TEX2: variants seen among roughly 807,000 people sequenced by gnomAD.
TEX2 encodes testis expressed 2.
A neutral mutation model predicts 106.9 loss-of-function variants in TEX2; 53 were observed. The ratio of observed to expected loss-of-function variants is 0.50; its 90% CI spans 0.40 to 0.62. The LOEUF (loss-of-function observed/expected upper bound fraction) is 0.62. Among genes scored for constraint, TEX2 ranks in the 20% least tolerant of loss-of-function variants. The pLI is 0.00. For synonymous variants in TEX2, 523 were observed against 534.8 expected, an observed-to-expected ratio of 0.98 and a Z score of 0.30; for missense variants, 1,207 against 1,379.0, an observed-to-expected ratio of 0.88 and a Z score of 1.98.
Position 64,213,378 on chromosome 17 carries a change from C to A in TEX2, c.840G>T (p.Val280=). Residue 280 remains valine, a synonymous_variant, in exon 2 of 12, where the codon GTG becomes GTT. Transcript: ENST00000584379. The surrounding 1 kb of genome is among the most constrained non-coding windows in gnomAD (Gnocchi z 4.4). ...SPSDTRSFFK[V]PEMEAKIEDT... is the part of the protein sequence containing the mutation. ...CTTCAATTTTAGCCTCCATTTCGGG[C>A]ACTTTAAAAAAGGAACGAGTATCAG... 1 of 1,613,924 alleles carries A rather than the reference C, an allele frequency of 6.2e-7. No homozygotes were observed. The highest frequency in any genetic ancestry group is 8.5e-7 in the Non-Finnish European group (1 of 1,180,028).
chr17:64,244,718 G>C (rs782328082), intron 1 of TEX2, among the ~76,000 whole-genome samples: 3 of 152,100 alleles, frequency 2.0e-5, no homozygotes, highest in Non-Finnish European at 4.4e-5. Context: ...CATCCTGTAA[G>C]AATAACACGT....
chr17:64,171,101 T>C lies in TEX2; in HGVS notation c.2670A>G (p.Gln890=), dbSNP rs112030007. The C allele has an allele frequency of 4.3e-6, 7 of 1,613,376 alleles. No homozygotes were observed. The Admixed American group carries it at 5.0e-5, about 12-fold the overall frequency. ...ATAGAATGGTCAGTTAGGAGTTACC[T>C]TGGTGATCAACGTAAGGCTTGAAGG... ...LQAFKPYVDH[Q]GLWIDLEMSY... The change falls in exon 7 of 12, where the codon CAA becomes CAG. Residue 890 remains glutamine (Q), a splice_region_variant and synonymous_variant. Coordinates refer to ENST00000584379, the MANE Select transcript of TEX2 (RefSeq NM_001288732.2).
chr17:64,257,874 A>G (rs1170331700), intron 1 of TEX2, among the ~76,000 whole-genome samples: 2 of 152,124 alleles, frequency 1.3e-5, no homozygotes, highest in African/African-American at 2.4e-5. Context: ...TGAATCTTCT[A>G]TCTCCGAAAA....
intron 11 of TEX2, 79 bp downstream of exon 11, chr17:64,150,762 C>A: frequency 4.1e-6 from 6 of 1,480,442 alleles, no homozygotes; most frequent in Non-Finnish European, 5.4e-6. Context: ...GGATCCTGAC[C>A]CAGCTGAAGT....
chr17:64,204,157 G>T (rs2032758130), intron 2 of TEX2, among the ~76,000 whole-genome samples: 1 of 152,180 alleles, frequency 6.6e-6, no homozygotes, highest in Admixed American at 6.5e-5. Context: ...TCACTTTTCA[G>T]ATCACGCATT....
At chr17:64,170,622 C>CTTTTTTTTTTTTTTTT (rs71156002) in intron 7 of TEX2, among the ~76,000 whole-genome samples, 6 of 73,742 alleles carry the variant, frequency 8.1e-5, no homozygotes, top group Non-Finnish European at 1.2e-4. Flanking sequence ...TATTCCAAAT[C>CTTTTTTTTTTTTTTTT]TTTTTTTTTT....
At position 64,148,604 on chromosome 17, in the gene TEX2, G is replaced by A. The variant is rs1002578034; in HGVS notation, c.*365C>T. 3 of 195,314 alleles carry A rather than the reference G, an allele frequency of 1.5e-5. No homozygotes were observed. The highest frequency in any genetic ancestry group is 3.1e-5 in the Non-Finnish European group (3 of 95,808). The allele number at this position is 195,314 out of a possible 1,614,324, so 12.1% of individuals were successfully genotyped here. On this transcript the variant is annotated 3_prime_UTR_variant, in exon 12 of 12. Coordinates refer to ENST00000584379, the MANE Select transcript of TEX2 (RefSeq NM_001288732.2). Reference sequence around the variant, plus strand: ...CTGTGCACCGGCTGCCTGAAGAAAAGCTTTGGAGGAGTAGAGGAGGCAAGT... The same window carrying A: ...CTGTGCACCGGCTGCCTGAAGAAAAACTTTGGAGGAGTAGAGGAGGCAAGT...
intron 6 of TEX2, among the ~76,000 whole-genome samples, chr17:64,176,074 C>T (rs898604049): frequency 2.0e-5 from 3 of 152,178 alleles, no homozygotes; most frequent in Non-Finnish European, 4.4e-5. Context: ...AGCAGAAGCA[C>T]GTTCAACCCT....
chr17:64,193,603 T>C lies in TEX2; in HGVS notation c.2132A>G (p.Lys711Arg). ...ACCCGATGACTTCTTGATTTCCGAC[T>C]TTAGCTTAGATGCCAGAATAAATCT... Reference protein sequence around the residue: ...FRRFILASKLKSEIKKSSGVS... With the variant: ...FRRFILASKLRSEIKKSSGVS... Residue 711 changes from lysine (K) to arginine (R), a missense_variant, in exon 4 of 12, where the codon AAG becomes AGG. Around this residue, in one of 3 missense-constraint regions of TEX2, gnomAD observed 1,067 missense variants for 1,193.6 expected, o/e 0.89. Transcript: ENST00000584379. 6.9e-7 allele frequency: 1 copy of C among 1,448,546 alleles called. No individual in the cohort carries two copies. The highest frequency in any genetic ancestry group is 9.2e-7 in the Non-Finnish European group (1 of 1,092,130). 89.7% of individuals were successfully genotyped at this position (1,448,546 alleles called of 1,614,324 possible).
chr17:64,163,093 CAT>C (rs1189430451), intron 7 of TEX2, among the ~76,000 whole-genome samples: 1 of 152,106 alleles, frequency 6.6e-6, no homozygotes, highest in Non-Finnish European at 1.5e-5. Context: ...CCCTGGCACT[CAT>C]AAAAATATGA....
chr17:64,238,608 G>A (rs1020139671), intron 1 of TEX2, among the ~76,000 whole-genome samples: 2 of 152,210 alleles, frequency 1.3e-5, no homozygotes, highest in Non-Finnish European at 2.9e-5. Context: ...TAACAGGAGA[G>A]AGAATGAGTG....
intron 5 of TEX2, among the ~76,000 whole-genome samples, chr17:64,182,613 C>A (rs2031922644): frequency 6.6e-6 from 1 of 152,082 alleles, no homozygotes; most frequent in African/African-American, 2.4e-5. Context: ...AGCAGTCACT[C>A]CCTATTCCTC....
chr17:64,198,524 C>G (rs1555629666), intron 2 of TEX2, among the ~76,000 whole-genome samples: 1 of 138,066 alleles, frequency 7.2e-6, no homozygotes, highest in Non-Finnish European at 1.7e-5. Context: ...CATTTATGAG[C>G]CATTTGGCCA....
At chr17:64,232,116 G>GT (rs2033671002) in intron 1 of TEX2, among the ~76,000 whole-genome samples, 1 of 152,124 alleles carries the variant, frequency 6.6e-6, no homozygotes, top group Admixed American at 6.5e-5. Context: ...CATATACATC[G>GT]TAATACAAAA....
At chr17:64,215,818 G>A (rs1211337454) in intron 1 of TEX2, among the ~76,000 whole-genome samples, 1 of 152,154 alleles carries the variant, frequency 6.6e-6, no homozygotes, top group Non-Finnish European at 1.5e-5. Flanking sequence ...CCTAATTTAA[G>A]CCTTCTGCTA....
intron 1 of TEX2, among the ~76,000 whole-genome samples, 195 bp downstream of exon 1, chr17:64,262,973 C>T (rs1175060722): frequency 6.6e-6 from 1 of 152,098 alleles, no homozygotes; most frequent in Non-Finnish European, 1.5e-5. Flanking sequence ...AAGGGATTGC[C>T]CGGGGGTGTC....
At position 64,236,233 on chromosome 17, in the gene TEX2, G is replaced by C. The variant is rs140924045; in HGVS notation, c.-25-21991C>G. On this transcript the variant is annotated intron_variant, in intron 1 of 11. Transcript: ENST00000584379. ...ACACAATATAACAGCTATTTACATA[G>C]TATTCACATCTTATTAGATATTACA... is the stretch of plus-strand genomic sequence containing the variant. 7.5e-3 allele frequency among the ~76,000 whole-genome samples: 1,144 copies of C among 152,110 alleles called. 4 individuals are homozygous for C. The highest frequency in any genetic ancestry group is 0.014 in the Middle Eastern group (4 of 292).
chr17:64,219,303 C>T (rs530784188), intron 1 of TEX2, among the ~76,000 whole-genome samples: 2 of 151,884 alleles, frequency 1.3e-5, no homozygotes, highest in African/African-American at 2.4e-5. Flanking sequence ...GTCAGGAATT[C>T]GAGACCAGCC....
intron 8 of TEX2, among the ~76,000 whole-genome samples, chr17:64,158,415 C>G (rs1255310891): frequency 6.6e-6 from 1 of 152,228 alleles, no homozygotes; most frequent in African/African-American, 2.4e-5. Context: ...AAGCCCTGGA[C>G]AGGTGGCCAT....
Sources: allele counts gnomAD v4.1 joint callset (sites outside exome capture counted in the v4.1 genomes callset), GRCh38; gene constraint gnomAD v4.1.1; regional missense constraint gnomAD v4.1.1; non-coding constraint Gnocchi (gnomAD v3.1); transcripts MANE v1.5; gene names NCBI Gene and HGNC (gene_info 2026-07-23, HGNC 2026-07-21).